ENOX1: variants seen among roughly 807,000 people sequenced by gnomAD.
ENOX1 encodes candidate growth-related and time keeping constitutive hydroquinone (NADH) oxidase.
Under a neutral mutation model 82.5 loss-of-function variants are expected in ENOX1, and 42 were observed. The observed-to-expected ratio is 0.51, with a 90% CI of 0.40 to 0.66. The LOEUF is 0.66. ENOX1 is among the 30% of genes least tolerant of loss of function. The pLI is 0.00. For synonymous variants in ENOX1, 271 were observed against 282.2 expected (o/e 0.96, Z 0.40); for missense variants, 608 against 811.6 (o/e 0.75, Z 3.05).
intron 7 of ENOX1, among the ~76,000 whole-genome samples, chr13:43,357,748 TAA>T (rs968053514): frequency 6.6e-6 from 1 of 152,070 alleles, no homozygotes; most frequent in Non-Finnish European, 1.5e-5. Context: ...ATTAAGGACT[TAA>T]AAGAGACCCT....
At chr13:43,292,869 C>T (rs1287487308) in intron 12 of ENOX1, among the ~76,000 whole-genome samples, 1 of 151,986 alleles carries the variant, frequency 6.6e-6, no homozygotes. Context: ...CCCCAGTCAC[C>T]ATCTTCATCA....
intron 2 of ENOX1, among the ~76,000 whole-genome samples, chr13:43,649,421 T>C (rs1458622862): frequency 2.0e-5 from 3 of 152,152 alleles, no homozygotes; most frequent in African/African-American, 4.8e-5. Context: ...ATAAAATGAA[T>C]CCAATTCTGA....
At chr13:43,713,308 A>G (rs904636767) in intron 1 of ENOX1, among the ~76,000 whole-genome samples, 11 of 152,298 alleles carry the variant, frequency 7.2e-5, no homozygotes, top group East Asian at 1.9e-4. Flanking sequence ...TGCTGGATTC[A>G]GTTTGCCAGT....
intron 14 of ENOX1, among the ~76,000 whole-genome samples, chr13:43,258,747 A>C (rs753698323): frequency 7.2e-5 from 11 of 151,846 alleles, no homozygotes; most frequent in Non-Finnish European, 1.3e-4. Context: ...TCTCTGTACC[A>C]CTCATTGTGC....
chr13:43,362,720 G>A lies in ENOX1; in HGVS notation c.209-1268C>T, dbSNP rs146021173. ...CTAAGAAGCTCCAGAGAATACAGAAGGTCTAGCAAAAGCGTTTCCTTTCTG... is the reference window on the plus strand; with the variant it reads ...CTAAGAAGCTCCAGAGAATACAGAAAGTCTAGCAAAAGCGTTTCCTTTCTG... On this transcript the variant is annotated intron_variant, in intron 5 of 16. Coordinates refer to ENST00000690772, the MANE Select transcript of ENOX1 (RefSeq NM_001347969.2). Among the ~76,000 whole-genome samples, 430 of 152,264 alleles carry A rather than the reference G, an allele frequency of 2.8e-3. 2 individuals carry two copies. Among genetic ancestry groups the A allele is most frequent in the Admixed American group, 4.6e-3 (71 of 15,298 alleles).
At chr13:43,275,979 G>A (rs985907540) in intron 12 of ENOX1, among the ~76,000 whole-genome samples, 1 of 152,102 alleles carries the variant, frequency 6.6e-6, no homozygotes, top group Non-Finnish European at 1.5e-5. Context: ...CCACTTATTG[G>A]AAATGAGCCA....
chr13:43,731,482 T>C (rs1490360608), intron 1 of ENOX1, among the ~76,000 whole-genome samples: 1 of 151,918 alleles, frequency 6.6e-6, no homozygotes, highest in Non-Finnish European at 1.5e-5. Context: ...TCATAACTCC[T>C]TTCCTCAGCC....
At chr13:43,693,263 T>A (rs1046577183) in intron 1 of ENOX1, among the ~76,000 whole-genome samples, 1 of 152,154 alleles carries the variant, frequency 6.6e-6, no homozygotes, top group Non-Finnish European at 1.5e-5. Context: ...ATTAAAATTA[T>A]TATGAACAAT....
intron 2 of ENOX1, among the ~76,000 whole-genome samples, chr13:43,662,031 A>T (rs1190240672): frequency 6.6e-6 from 1 of 152,068 alleles, no homozygotes; most frequent in Non-Finnish European, 1.5e-5. Flanking sequence ...TTCTTCCATC[A>T]TGTCCTTCTC....
chr13:43,626,330 C>T (rs1448106624), intron 2 of ENOX1, among the ~76,000 whole-genome samples: 2 of 151,786 alleles, frequency 1.3e-5, no homozygotes, highest in African/African-American at 4.8e-5. Context: ...TCTTTGACTT[C>T]TGCTCTTATC....
In ENOX1 at chr13:43,359,958, A is replaced by T. The variant is rs138810558; in HGVS notation, c.482T>A (p.Val161Asp). 2 of 1,614,060 alleles carry T rather than the reference A, an allele frequency of 1.2e-6. No individual in the cohort carries two copies. The highest frequency in any genetic ancestry group is 2.7e-5 in the African/African-American group (2 of 74,930). Residue 161 changes from valine to aspartate, a missense_variant, in exon 7 of 17, where the codon GTC (valine) becomes GAC (aspartate). Coordinates refer to ENST00000690772, the MANE Select transcript of ENOX1 (RefSeq NM_001347969.2). ...ENATEEIIQEVFEQCGDITAI... is the reference protein window; with the variant it reads ...ENATEEIIQEDFEQCGDITAI... The stretch of plus-strand genomic sequence containing the variant: ...TGTAATATCACCGCACTGTTCAAAG[A>T]CTTCTTGAATAATTTCCTCAGTAGC...
intron 15 of ENOX1, among the ~76,000 whole-genome samples, chr13:43,233,362 C>T (rs539530901): frequency 2.6e-5 from 4 of 152,236 alleles, no homozygotes; most frequent in African/African-American, 9.6e-5. Flanking sequence ...TCAGAATGGT[C>T]GAACTCTAAT....
chr13:43,524,886 C>G (rs750953634), intron 2 of ENOX1, among the ~76,000 whole-genome samples: 10 of 152,054 alleles, frequency 6.6e-5, no homozygotes, highest in Non-Finnish European at 1.3e-4. Flanking sequence ...TGATTCCACT[C>G]TCATTTGTTG....
chr13:43,319,577 A>G (rs985990319), intron 11 of ENOX1, among the ~76,000 whole-genome samples: 2 of 152,040 alleles, frequency 1.3e-5, no homozygotes, highest in African/African-American at 4.8e-5. Context: ...CCAAAATAAA[A>G]CCCATTACAG....
rs560798461 is a variant in ENOX1 at position 43,786,459 on chromosome 13, G to T, written c.-285+193C>A. On this transcript the variant is annotated intron_variant, in intron 1 of 16. Transcript: ENST00000690772. The surrounding 1 kb of genome is among the most constrained non-coding windows in gnomAD (Gnocchi z 6.0). ...GAGACGGGGCACGGCGGGGAAGGGC[G>T]TGGGGGCTGCACCGAAGCCCCCACG... is the stretch of plus-strand genomic sequence containing the variant. Among the ~76,000 whole-genome samples the T allele has an allele frequency of 6.6e-6, 1 of 151,684 alleles. No homozygotes were observed. The highest frequency in any genetic ancestry group is 1.5e-5 in the Non-Finnish European group (1 of 67,842).
intron 1 of ENOX1, among the ~76,000 whole-genome samples, chr13:43,765,676 G>A (rs978569881): frequency 2.6e-5 from 4 of 152,056 alleles, no homozygotes; most frequent in Non-Finnish European, 5.9e-5. Context: ...AAACACTTAC[G>A]AAATAAACAA....
At chr13:43,445,325 G>T (rs111747346) in intron 3 of ENOX1, among the ~76,000 whole-genome samples, 28 of 151,928 alleles carry the variant, frequency 1.8e-4, no homozygotes, top group South Asian at 6.2e-4. Context: ...GGGTTTCACC[G>T]TGTTAGCCAG....
At chr13:43,483,487 C>A (rs1237845944) in intron 3 of ENOX1, among the ~76,000 whole-genome samples, 1 of 152,102 alleles carries the variant, frequency 6.6e-6, no homozygotes, top group Non-Finnish European at 1.5e-5. Context: ...AAACCCCAAA[C>A]AAGCCCTATT....
chr13:43,533,949 T>C (rs2078340516), intron 2 of ENOX1, among the ~76,000 whole-genome samples: 1 of 152,140 alleles, frequency 6.6e-6, no homozygotes, highest in Non-Finnish European at 1.5e-5. Flanking sequence ...AGTACAGCCA[T>C]GTAAGGTTCT....
Sources: gnomAD v4.1 joint callset for allele counts (sites outside exome capture counted in the v4.1 genomes callset) on GRCh38, gnomAD v4.1.1 for gene constraint, Gnocchi (gnomAD v3.1) non-coding constraint, MANE v1.5 for transcripts, NCBI Gene and HGNC (gene_info 2026-07-23, HGNC 2026-07-21) for gene names.